CHRM3: variants seen among roughly 807,000 people sequenced by gnomAD.
CHRM3 encodes cholinergic receptor muscarinic 3, also known as muscarinic acetylcholine receptor M3.
A neutral mutation model predicts 41.8 loss-of-function variants in CHRM3; 11 were observed. That is an observed-to-expected ratio of 0.26 (90% CI 0.17 to 0.44). The LOEUF (loss-of-function observed/expected upper bound fraction) is 0.44. CHRM3 is among the 20% of genes least tolerant of loss of function. The pLI is 1.00. For synonymous variants in CHRM3, 297 were observed against 301.4 expected, an observed-to-expected ratio of 0.99 and a Z score of 0.15; for missense variants, 571 against 745.4, an observed-to-expected ratio of 0.77 and a Z score of 2.72.
chr1:239,714,118 A>C (rs1046107909), intron 5 of CHRM3: 2 of 152,120 alleles, frequency 1.3e-5, no homozygotes, highest in African/African-American at 4.8e-5. Context: ...TAGTTTTCCC[A>C]TCTGAAGAAC....
chr1:239,622,485 A>G (rs1668490581), intron 3 of CHRM3, among the ~76,000 whole-genome samples: 1 of 152,180 alleles, frequency 6.6e-6, no homozygotes, highest in African/African-American at 2.4e-5. Flanking sequence ...AAATATCAAC[A>G]CTAACAGGAG....
chr1:239,691,173 G>A (rs1571998782), intron 5 of CHRM3, among the ~76,000 whole-genome samples: 3 of 152,200 alleles, frequency 2.0e-5, no homozygotes, highest in South Asian at 2.1e-4. Flanking sequence ...CACAGAGTGA[G>A]AGCTGGGCAG....
chr1:239,601,060 A>C (rs1046208384), intron 3 of CHRM3, among the ~76,000 whole-genome samples: 1 of 152,202 alleles, frequency 6.6e-6, no homozygotes, highest in Non-Finnish European at 1.5e-5. Context: ...CATTTGAAAT[A>C]TTATTTGTAG....
At chr1:239,615,023 T>C (rs1667480694) in intron 3 of CHRM3, among the ~76,000 whole-genome samples, 1 of 152,154 alleles carries the variant, frequency 6.6e-6, no homozygotes, top group Non-Finnish European at 1.5e-5. Flanking sequence ...AAAAAGCATA[T>C]AGCCTTTCAA....
intron 3 of CHRM3, among the ~76,000 whole-genome samples, chr1:239,609,885 T>C (rs1666791780): frequency 6.6e-6 from 1 of 152,050 alleles, no homozygotes; most frequent in Non-Finnish European, 1.5e-5. Flanking sequence ...GTACAGGCCA[T>C]GTAAATATAT....
At position 239,555,352 on chromosome 1, in the gene CHRM3, G is replaced by A. The variant is rs369647239; in HGVS notation, c.-313+9603G>A. 1.3e-5 allele frequency among the ~76,000 whole-genome samples: 2 copies of A among 152,264 alleles called. 1 individual carries two copies. The highest frequency in any genetic ancestry group is 6.8e-3 in the Middle Eastern group (2 of 294). On this transcript the variant is annotated intron_variant, in intron 3 of 6. Transcript: ENST00000676153. The stretch of plus-strand genomic sequence containing the variant: ...TTAATCACATGGAAGTTTGGTTGTG[G>A]AACTACAGTCATTGATTCATAAACA...
In CHRM3 at chr1:239,399,384, G is replaced by A. The variant is rs116676781; in HGVS notation, c.-521+12157G>A. Among the ~76,000 whole-genome samples, 790 of 147,276 alleles carry A rather than the reference G, an allele frequency of 5.4e-3. 7 individuals carry two copies. Among genetic ancestry groups the A allele is most frequent in the African/African-American group, 0.018 (702 of 39,674 alleles). ...GAATGTTATAAGATCTATTCTCTTAGCAGTTATCACGTGTTAGTTATCATT... is the reference window on the plus strand; with the variant it reads ...GAATGTTATAAGATCTATTCTCTTAACAGTTATCACGTGTTAGTTATCATT... On this transcript the variant is annotated intron_variant, in intron 1 of 6. Coordinates refer to ENST00000676153, the MANE Select transcript of CHRM3 (RefSeq NM_001375978.1).
At chr1:239,677,660 C>T in intron 4 of CHRM3, among the ~76,000 whole-genome samples, 1 of 152,130 alleles carries the variant, frequency 6.6e-6, no homozygotes, top group East Asian at 1.9e-4. Flanking sequence ...CAGCATTCTC[C>T]CACCCATGAG....
intron 5 of CHRM3, among the ~76,000 whole-genome samples, chr1:239,789,444 T>C (rs1055115490): frequency 6.6e-6 from 1 of 152,138 alleles, no homozygotes; most frequent in African/African-American, 2.4e-5. Flanking sequence ...GACTGGGTAA[T>C]GTATAAAGAA....
chr1:239,662,174 A>T (rs1178413658), intron 4 of CHRM3, among the ~76,000 whole-genome samples: 1 of 151,230 alleles, frequency 6.6e-6, no homozygotes, highest in Non-Finnish European at 1.5e-5. Flanking sequence ...GTTAAAAAAA[A>T]GTTTGAAAGC....
chr1:239,773,261 C>A (rs1206363777), intron 5 of CHRM3, among the ~76,000 whole-genome samples: 1 of 152,042 alleles, frequency 6.6e-6, no homozygotes, highest in African/African-American at 2.4e-5. Context: ...CCAACACAAA[C>A]CAAAGCTTTT....
chr1:239,743,788 C>CTTTTTTTTTTTTTTTTTTTTTTTTTTT (rs10718514), intron 5 of CHRM3, among the ~76,000 whole-genome samples: 3 of 81,202 alleles, frequency 3.7e-5, no homozygotes, highest in African/African-American at 5.1e-5. Context: ...TTTTTTTTTT[C>CTTTTTTTTTTTTTTTTTTTTTTTTTTT]TTTTTTTTTT....
intron 5 of CHRM3, among the ~76,000 whole-genome samples, chr1:239,811,052 G>A (rs560924189): frequency 6.6e-6 from 1 of 152,298 alleles, no homozygotes; most frequent in African/African-American, 2.4e-5. Flanking sequence ...AATTAAAAGT[G>A]TCCTTCCTTT....
chr1:239,857,192 A>G (rs565993978), intron 6 of CHRM3, among the ~76,000 whole-genome samples: 77 of 152,302 alleles, frequency 5.1e-4, no homozygotes, highest in African/African-American at 1.6e-3. Context: ...GGTATACAGA[A>G]AGTTGCTAAA....
chr1:239,660,544 G>A (rs1673101676), intron 4 of CHRM3, among the ~76,000 whole-genome samples: 1 of 152,016 alleles, frequency 6.6e-6, no homozygotes, highest in African/African-American at 2.4e-5. Context: ...CTATATTCCA[G>A]ACAAGTATGA....
chr1:239,395,294 T>A (rs188840949), intron 1 of CHRM3, among the ~76,000 whole-genome samples: 1 of 152,264 alleles, frequency 6.6e-6, no homozygotes, highest in East Asian at 1.9e-4. Flanking sequence ...TCCATGTGGG[T>A]CACTTGGCTT....
In CHRM3 at chr1:239,637,961, G is replaced by A. The variant is rs1170109967; in HGVS notation, c.-250+5675G>A. On this transcript the variant is annotated intron_variant, in intron 4 of 6. Transcript: ENST00000676153. Reference sequence around the variant, plus strand: ...CAGAGTGTGATGTTCCCCTTCCTGTGTCCACGTGTTCTCATTGTTCAATTC... The same window carrying A: ...CAGAGTGTGATGTTCCCCTTCCTGTATCCACGTGTTCTCATTGTTCAATTC... 2.4e-5 allele frequency among the ~76,000 whole-genome samples: 3 copies of A among 126,882 alleles called. No individual in the cohort carries two copies. In the Admixed American group the frequency reaches 3.0e-4, roughly 13 times the overall value. The allele number at this position is 126,882 out of a possible 152,430, so 83.2% of individuals were successfully genotyped here. A position where few individuals can be genotyped will look rare whatever the true frequency, so the allele number is the denominator to read the frequency against.
chr1:239,644,674 G>C (rs1671579294), intron 4 of CHRM3, among the ~76,000 whole-genome samples: 1 of 152,142 alleles, frequency 6.6e-6, no homozygotes, highest in South Asian at 2.1e-4. Context: ...AGCCGGAGTG[G>C]ACTCTTTGAC....
chr1:239,408,367 C>T (rs1660781196), intron 1 of CHRM3: 1 of 151,876 alleles, frequency 6.6e-6, no homozygotes, highest in African/African-American at 2.4e-5. Flanking sequence ...TAAAAAAATA[C>T]AAAAGAATTA....
Sources: gnomAD v4.1 joint callset for allele counts (sites outside exome capture counted in the v4.1 genomes callset) on GRCh38, gnomAD v4.1.1 for gene constraint, MANE v1.5 for transcripts, NCBI Gene and HGNC (gene_info 2026-07-23, HGNC 2026-07-21) for gene names.